ACSS3: variants seen among roughly 807,000 people sequenced by gnomAD.
The protein encoded by ACSS3 is acyl-CoA synthetase short-chain family member 3, mitochondrial.
In ACSS3, 64 loss-of-function variants were observed where a neutral mutation model predicts 84.2. The ratio of observed to expected loss-of-function variants is 0.76; its 90% CI spans 0.62 to 0.94. ACSS3 has a LOEUF of 0.94. Among genes scored for constraint, ACSS3 ranks in the 40% least tolerant of loss-of-function variants. The probability of loss-of-function intolerance (pLI) is 0.00; values close to 1 mark genes in which losing one functional copy is unlikely to be tolerated. For synonymous variants in ACSS3, 317 were observed against 310.1 expected (o/e 1.02, Z -0.23); for missense variants, 815 against 867.6 (o/e 0.94, Z 0.76).
intron 9 of ACSS3, among the ~76,000 whole-genome samples, chr12:81,213,846 C>T (rs934873807): frequency 7.4e-4 from 41 of 55,558 alleles, no homozygotes; most frequent in Non-Finnish European, 1.1e-3. Context: ...CTCTTCTCTC[C>T]TCTCCTCTCT....
chr12:81,210,819 A>G (rs2135926055), intron 9 of ACSS3, among the ~76,000 whole-genome samples: 1 of 152,320 alleles, frequency 6.6e-6, no homozygotes, highest in South Asian at 2.1e-4. Context: ...CTAAAGATAA[A>G]TCATGATAAG....
intron 1 of ACSS3, among the ~76,000 whole-genome samples, chr12:81,080,600 G>A (rs58913540): frequency 0.079 from 12,024 of 152,110 alleles, 832 homozygotes; most frequent in African/African-American, 0.17. Flanking sequence ...GGAAGTAGAC[G>A]TAGGAGACCA....
At chr12:81,164,729 A>C (rs1016312063) in intron 7 of ACSS3, among the ~76,000 whole-genome samples, 1 of 152,154 alleles carries the variant, frequency 6.6e-6, no homozygotes, top group African/African-American at 2.4e-5. Context: ...TCATTTTCAC[A>C]GTGTAATTTT....
chr12:81,251,666 T>TATAAAAAAAAAA (rs1423342468), intron 13 of ACSS3, among the ~76,000 whole-genome samples: 4 of 21,844 alleles, frequency 1.8e-4, no homozygotes, highest in African/African-American at 3.8e-4. Flanking sequence ...ACCCCATCTC[T>TATAAAAAAAAAA]ACAAAAAAAA....
In ACSS3 at chr12:81,256,070, G is replaced by T. The variant is rs544382916; in HGVS notation, c.*1148G>T. ...AAGGTTTCTAGGCAGGTAGTGTAAT[G>T]TCTAGGTGATTTTGAAGTGAACTTA... On this transcript the variant is annotated 3_prime_UTR_variant, in exon 16 of 16. Transcript: ENST00000548058. 8 of 152,212 alleles carry T rather than the reference G, an allele frequency of 5.3e-5. No homozygotes were observed. The highest frequency in any genetic ancestry group is 1.0e-4 in the Non-Finnish European group (7 of 68,064). 9.4% of individuals were successfully genotyped at this position (152,212 alleles called of 1,614,324 possible).
rs1312257199 is a variant in ACSS3, at chr12:81,255,420, T to TAGAC, written c.*502_*505dup. 6.6e-6 allele frequency: 1 copy of TAGAC among 152,392 alleles called. No individual in the cohort carries two copies. The allele number at this position is 152,392 out of a possible 1,614,324, so 9.4% of individuals were successfully genotyped here. On this transcript the variant is annotated 3_prime_UTR_variant, in exon 16 of 16. Coordinates refer to ENST00000548058, the MANE Select transcript of ACSS3 (RefSeq NM_024560.4). Reference sequence around the variant, plus strand: ...GAAATGGGAAGTTTAGGTAATCATCTAGACAGATGAAATTATTATCTAGGT... The same window carrying TAGAC: ...GAAATGGGAAGTTTAGGTAATCATCTAGACAGACAGATGAAATTATTATCTAGGT...
chr12:81,095,153 T>G (rs1881951693), intron 1 of ACSS3, among the ~76,000 whole-genome samples: 1 of 152,308 alleles, frequency 6.6e-6, no homozygotes, highest in East Asian at 1.9e-4. Context: ...CATTCTGGAT[T>G]GTAGGTCTGG....
chr12:81,219,307 A>T (rs746320141), intron 10 of ACSS3, among the ~76,000 whole-genome samples: 2 of 152,142 alleles, frequency 1.3e-5, no homozygotes, highest in Non-Finnish European at 2.9e-5. Flanking sequence ...AAAGAAGGGA[A>T]CAATTAATTT....
chr12:81,229,056 T>G lies in ACSS3; in HGVS notation c.1515-2001T>G, dbSNP rs572431416. Among the ~76,000 whole-genome samples the G allele has an allele frequency of 8.5e-4, 129 of 151,886 alleles. 1 individual carries two copies. Among genetic ancestry groups the G allele is most frequent in the Non-Finnish European group, 1.4e-3 (93 of 67,826 alleles). On this transcript the variant is annotated intron_variant, in intron 11 of 15. Transcript: ENST00000548058. ...ATGTAAACTGTAATTTGCTTCAGACTCCACCATTCTCTATTTCCCTCAATC... is the reference window on the plus strand; with the variant it reads ...ATGTAAACTGTAATTTGCTTCAGACGCCACCATTCTCTATTTCCCTCAATC...
At chr12:81,188,822 C>G (rs1363571635) in intron 8 of ACSS3, among the ~76,000 whole-genome samples, 1 of 152,058 alleles carries the variant, frequency 6.6e-6, no homozygotes, top group African/African-American at 2.4e-5. Flanking sequence ...TACATTTACT[C>G]CGTACAACAT....
At chr12:81,249,517 T>C (rs973300643) in intron 13 of ACSS3, among the ~76,000 whole-genome samples, 10 of 152,092 alleles carry the variant, frequency 6.6e-5, no homozygotes, top group African/African-American at 2.2e-4. Flanking sequence ...CTATTTGTTT[T>C]CCAAGGTAGC....
Position 81,231,359 on chromosome 12 carries a change from G to T in ACSS3, c.1596+221G>T, listed in dbSNP as rs1269228986. Reference sequence around the variant, plus strand: ...AGTCTCTAGACATAGAAATTTATTGGTTTTTCTTAGCAGCTTTTCCTAGAA... The same window carrying T: ...AGTCTCTAGACATAGAAATTTATTGTTTTTTCTTAGCAGCTTTTCCTAGAA... On this transcript the variant is annotated intron_variant, in intron 12 of 15. Coordinates refer to ENST00000548058, the MANE Select transcript of ACSS3 (RefSeq NM_024560.4). 2.6e-5 allele frequency among the ~76,000 whole-genome samples: 4 copies of T among 151,658 alleles called. 1 individual carries two copies. The highest frequency in any genetic ancestry group is 9.7e-5 in the African/African-American group (4 of 41,340).
chr12:81,128,160 AATT>A (rs1885235890), intron 2 of ACSS3, among the ~76,000 whole-genome samples: 1 of 151,696 alleles, frequency 6.6e-6, no homozygotes. Context: ...TTTTCTTTAC[AATT>A]ATTATTCCTG....
At chr12:81,220,529 T>A (rs957175184) in intron 11 of ACSS3, among the ~76,000 whole-genome samples, 5 of 151,994 alleles carry the variant, frequency 3.3e-5, no homozygotes, top group Non-Finnish European at 5.9e-5. Flanking sequence ...GGGCTTCTAG[T>A]GAACCCATCA....
At chr12:81,194,121 C>A (rs892116293) in intron 8 of ACSS3, among the ~76,000 whole-genome samples, 4 of 151,040 alleles carry the variant, frequency 2.6e-5, no homozygotes, top group Non-Finnish European at 5.9e-5. Context: ...TAGGAAGATA[C>A]CTGATGCCTA....
chr12:81,136,357 A>T (rs1172261983), intron 3 of ACSS3, among the ~76,000 whole-genome samples: 2 of 152,166 alleles, frequency 1.3e-5, no homozygotes, highest in Non-Finnish European at 2.9e-5. Flanking sequence ...CTGCTGTAGC[A>T]CAAAAGCATC....
chr12:81,090,955 T>C (rs955563580), intron 1 of ACSS3, among the ~76,000 whole-genome samples: 1 of 152,116 alleles, frequency 6.6e-6, no homozygotes, highest in Non-Finnish European at 1.5e-5. Flanking sequence ...CCATATACTT[T>C]AAATAATCTT....
intron 11 of ACSS3, among the ~76,000 whole-genome samples, chr12:81,224,788 G>C (rs1340476981): frequency 1.3e-5 from 2 of 151,862 alleles, no homozygotes; most frequent in Non-Finnish European, 2.9e-5. Flanking sequence ...GCCAGGATGT[G>C]AATCAGCCCT....
intron 9 of ACSS3, chr12:81,199,674 A>G (rs2032013403): frequency 9.7e-6 from 14 of 1,448,128 alleles, no homozygotes; most frequent in African/African-American, 1.4e-5. Context: ...AAAGCACTAA[A>G]GACCTCTTTA....
Sources: allele counts gnomAD v4.1 joint callset (sites outside exome capture counted in the v4.1 genomes callset), GRCh38; gene constraint gnomAD v4.1.1; transcripts MANE v1.5; gene names NCBI Gene and HGNC (gene_info 2026-07-23, HGNC 2026-07-21).